DNAH14: variants seen among roughly 807,000 people sequenced by gnomAD.
The protein encoded by DNAH14 is dynein axonemal heavy chain 14.
A neutral mutation model predicts 520.9 loss-of-function variants in DNAH14; 478 were observed. The ratio of observed to expected loss-of-function variants is 0.92; its 90% CI spans 0.85 to 0.99. DNAH14 has a LOEUF of 0.99. Ranked by LOEUF, DNAH14 falls within the 50% of genes least tolerant of loss-of-function variation. The pLI, the probability that DNAH14 is intolerant of heterozygous loss-of-function variation, is 0.00. For missense variants in DNAH14, 4,831 were observed against 5,234.5 expected (o/e 0.92, Z 2.38); for synonymous variants, 1,581 against 1,757.2 (o/e 0.90, Z 2.51).
At chr1:225,021,351 ACTAT>A (rs2065676761) in intron 10 of DNAH14, among the ~76,000 whole-genome samples, 1 of 151,852 alleles carries the variant, frequency 6.6e-6, no homozygotes, top group Non-Finnish European at 1.5e-5. Context: ...AAGAGGTCAA[ACTAT>A]CTGTTTGTAG....
chr1:225,387,313 C>A (rs1575147330), intron 81 of DNAH14, among the ~76,000 whole-genome samples: 2 of 152,090 alleles, frequency 1.3e-5, no homozygotes, highest in African/African-American at 4.8e-5. Flanking sequence ...TGCAGCTCAC[C>A]AACATGGCAC....
chr1:225,089,464 AAGAG>A (rs1553439212), intron 21 of DNAH14, among the ~76,000 whole-genome samples: 1 of 138,406 alleles, frequency 7.2e-6, no homozygotes, highest in Non-Finnish European at 1.6e-5. Context: ...AAAAAAAAAA[AAGAG>A]AGCGAGAGAA....
chr1:225,304,670 G>A (rs2094205473), intron 57 of DNAH14, among the ~76,000 whole-genome samples: 1 of 137,812 alleles, frequency 7.3e-6, no homozygotes, highest in Non-Finnish European at 1.5e-5. Flanking sequence ...GTAACATACG[G>A]GTAAAGCCTA....
chr1:225,339,567 T>A (rs1415958818), intron 68 of DNAH14, among the ~76,000 whole-genome samples: 1 of 152,148 alleles, frequency 6.6e-6, no homozygotes, highest in Non-Finnish European at 1.5e-5. Flanking sequence ...TAGATATAAT[T>A]TGCTTGATTA....
Position 225,360,742 on chromosome 1 carries a change from T to G in DNAH14, c.11838T>G (p.His3946Gln), listed in dbSNP as rs1464623013. 1.3e-6 allele frequency: 2 copies of G among 1,551,634 alleles called. No homozygotes were observed. Among genetic ancestry groups the G allele is most frequent in the Non-Finnish European group, 1.7e-6 (2 of 1,146,994 alleles). The change falls in exon 75 of 86, where the codon CAT (histidine) becomes CAG (glutamine). Residue 3946 changes from histidine to glutamine, a missense_variant. Physicochemically the swap from His to Gln is conservative, Grantham distance 24. Coordinates refer to ENST00000682510, the MANE Select transcript of DNAH14 (RefSeq NM_001367479.1). ...AAGAGTTAAAAGGAACAACACATCA[T>G]GTGACCATAATTTCTCTGGGCCGTG... ...FAQELKGTTH[H>Q]VTIISLGRDQ...
At chr1:225,086,357 A>G (rs1257741059) in intron 21 of DNAH14, among the ~76,000 whole-genome samples, 2 of 151,676 alleles carry the variant, frequency 1.3e-5, no homozygotes, top group Non-Finnish European at 2.9e-5. Flanking sequence ...GATGGTCTCG[A>G]TCTCCTGACC....
chr1:225,199,155 G>T (rs1011000432), intron 38 of DNAH14, among the ~76,000 whole-genome samples: 12 of 152,128 alleles, frequency 7.9e-5, no homozygotes. Flanking sequence ...AACCTTAAAT[G>T]ATCTTTTGTG....
chr1:225,029,287 A>G (rs1376202009), intron 11 of DNAH14, among the ~76,000 whole-genome samples: 1 of 151,950 alleles, frequency 6.6e-6, no homozygotes, highest in African/African-American at 2.4e-5. Flanking sequence ...GGAACCTTCT[A>G]TAAAGGGGCC....
intron 35 of DNAH14, among the ~76,000 whole-genome samples, chr1:225,167,640 T>A (rs895985889): frequency 6.6e-6 from 1 of 152,240 alleles, no homozygotes; most frequent in Non-Finnish European, 1.5e-5. Flanking sequence ...TATACACTGA[T>A]AACCTCTCAT....
intron 73 of DNAH14, among the ~76,000 whole-genome samples, chr1:225,355,300 C>T (rs1470787425): frequency 6.6e-6 from 1 of 152,016 alleles, no homozygotes; most frequent in Non-Finnish European, 1.5e-5. Context: ...AGGTCTCACT[C>T]GTCTCACTCT....
intron 38 of DNAH14, among the ~76,000 whole-genome samples, chr1:225,194,195 T>C (rs2085809441): frequency 6.6e-6 from 1 of 151,990 alleles, no homozygotes; most frequent in Non-Finnish European, 1.5e-5. Context: ...GAAAAAACTA[T>C]TATAAAATTC....
chr1:225,189,831 CTA>C (rs2085192986), intron 37 of DNAH14, among the ~76,000 whole-genome samples: 2 of 151,848 alleles, frequency 1.3e-5, no homozygotes, highest in African/African-American at 2.4e-5. Flanking sequence ...CGATTTTATT[CTA>C]TGTCTTGTAT....
At chr1:225,061,961 C>T (rs1055369468) in intron 17 of DNAH14, among the ~76,000 whole-genome samples, 6 of 152,142 alleles carry the variant, frequency 3.9e-5, no homozygotes, top group Admixed American at 2.6e-4. Context: ...GAAACAAAGA[C>T]TGGACTTAAC....
rs376675287 is a variant in DNAH14 at position 225,392,385 on chromosome 1, T to C, written c.13425T>C (p.Thr4475=). The C allele has an allele frequency of 3.2e-6, 5 of 1,552,198 alleles. No individual in the cohort carries two copies. The African/African-American group carries it at 6.8e-5, about 21-fold the overall frequency. Reference sequence around the variant, plus strand: ...CCCACCATGTGATTTCCAACACCACTGACAAGGATGAGAAGTTCTCCGTAT... The same window carrying C: ...CCCACCATGTGATTTCCAACACCACCGACAAGGATGAGAAGTTCTCCGTAT... ...TFTHHVISNT[T]DKDEKFSVFM... Residue 4475 remains threonine (T), a synonymous_variant, in exon 84 of 86, where the codon ACT becomes ACC. Transcript: ENST00000682510.
chr1:225,372,049 G>A (rs373637033), intron 77 of DNAH14, among the ~76,000 whole-genome samples: 7 of 152,086 alleles, frequency 4.6e-5, no homozygotes, highest in African/African-American at 1.2e-4. Context: ...ACTTGCCCAG[G>A]TTACATAGGT....
chr1:225,361,797 A>G (rs2095495083), intron 75 of DNAH14, among the ~76,000 whole-genome samples: 1 of 152,292 alleles, frequency 6.6e-6, no homozygotes, highest in African/African-American at 2.4e-5. Context: ...AGGCAAGATA[A>G]CTGTTTGGGG....
intron 8 of DNAH14, among the ~76,000 whole-genome samples, chr1:224,982,312 T>A (rs2062331434): frequency 6.6e-6 from 1 of 152,200 alleles, no homozygotes; most frequent in Admixed American, 6.5e-5. Context: ...AGTCTGACAC[T>A]CAGCTGGACT....
chr1:225,153,419 G>T (rs1447319407), intron 33 of DNAH14, among the ~76,000 whole-genome samples: 2 of 152,068 alleles, frequency 1.3e-5, no homozygotes, highest in Non-Finnish European at 2.9e-5. Context: ...AATGCAAAAT[G>T]GTTTGGACAG....
chr1:224,993,956 ATGT>A (rs1166586401), intron 8 of DNAH14, among the ~76,000 whole-genome samples: 3 of 151,892 alleles, frequency 2.0e-5, no homozygotes, highest in Non-Finnish European at 4.4e-5. Flanking sequence ...GTGCAAGAAC[ATGT>A]TGTTTTGTGT....
Sources: gnomAD v4.1 joint callset for allele counts (sites outside exome capture counted in the v4.1 genomes callset) on GRCh38, gnomAD v4.1.1 for gene constraint, MANE v1.5 for transcripts, NCBI Gene and HGNC (gene_info 2026-07-23, HGNC 2026-07-21) for gene names.